SCAI: variants seen among roughly 807,000 people sequenced by gnomAD.
SCAI encodes the protein suppressor of cancer cell invasion.
SCAI carries 24 observed loss-of-function variants against 92.2 expected under a neutral mutation model. The ratio of observed to expected loss-of-function variants is 0.26; its 90% CI spans 0.19 to 0.37. The LOEUF is 0.37. Among genes scored for constraint, SCAI ranks in the 10% least tolerant of loss-of-function variants. SCAI has a pLI of 1.00. For missense variants in SCAI, 450 were observed against 736.2 expected, an observed-to-expected ratio of 0.61 and a Z score of 4.50; for synonymous variants, 261 against 258.6, an observed-to-expected ratio of 1.01 and a Z score of -0.09.
At chr9:125,126,589 T>TGTGTGA (rs10680873) in intron 2 of SCAI, among the ~76,000 whole-genome samples, 7,525 of 143,050 alleles carry the variant, frequency 0.053, 264 homozygotes, top group African/African-American at 0.085. Context: ...TGTGTGTGTG[T>TGTGTGA]GAGAGAGAGA....
intron 3 of SCAI, among the ~76,000 whole-genome samples, chr9:125,038,672 A>G (rs1833251542): frequency 6.6e-6 from 1 of 152,160 alleles, no homozygotes; most frequent in Non-Finnish European, 1.5e-5. Flanking sequence ...TCTTGACTTC[A>G]TATTTATCAT....
chr9:124,988,364 A>G (rs1328756187), intron 14 of SCAI, among the ~76,000 whole-genome samples: 1 of 152,132 alleles, frequency 6.6e-6, no homozygotes, highest in Non-Finnish European at 1.5e-5. Flanking sequence ...GTCTCTAATG[A>G]GAAAGACAGA....
intron 17 of SCAI, among the ~76,000 whole-genome samples, chr9:124,958,385 G>A (rs1313097706): frequency 6.6e-6 from 1 of 152,184 alleles, no homozygotes; most frequent in Non-Finnish European, 1.5e-5. Context: ...CAATGGAAGA[G>A]AATTTAGAGT....
chr9:125,092,131 T>TAAAAAAA lies in SCAI; in HGVS notation c.99-36131_99-36125dup, dbSNP rs71374225. ...GGCGACAGAGCAAGACTCCGTCTCT[T>TAAAAAAA]AAAAAAAAAAAAAAAAAAAAAAAAA... On this transcript the variant is annotated intron_variant, in intron 2 of 17. Transcript: ENST00000336505. 9.7e-4 allele frequency among the ~76,000 whole-genome samples: 59 copies of TAAAAAAA among 61,136 alleles called. 3 individuals carry two copies. The highest frequency in any genetic ancestry group is 3.0e-3 in the African/African-American group (50 of 16,442). 40.1% of individuals were successfully genotyped at this position (61,136 alleles called of 152,430 possible).
intron 9 of SCAI, among the ~76,000 whole-genome samples, chr9:125,010,351 C>T (rs1832609096): frequency 6.6e-6 from 1 of 152,238 alleles, no homozygotes. Context: ...TTCCGACGGG[C>T]TTAAAAAACG....
At chr9:124,968,424 C>T (rs1831583192) in intron 17 of SCAI, 2 of 1,129,036 alleles carry the variant, frequency 1.8e-6, no homozygotes, top group African/African-American at 1.5e-5. Flanking sequence ...TTTCTCAGTC[C>T]AGTCATAACG....
chr9:125,095,586 T>C (rs1834530787), intron 2 of SCAI, among the ~76,000 whole-genome samples: 1 of 152,236 alleles, frequency 6.6e-6, no homozygotes, highest in Non-Finnish European at 1.5e-5. Flanking sequence ...TAAACACTAG[T>C]CTTCCTTGCA....
At position 124,979,551 on chromosome 9, in the gene SCAI, A is replaced by G. The variant is rs527367443; in HGVS notation, c.1327-3365T>C. Among the ~76,000 whole-genome samples, 5 of 152,238 alleles carry G rather than the reference A, an allele frequency of 3.3e-5. 1 individual carries two copies. The highest frequency in any genetic ancestry group is 1.2e-4 in the African/African-American group (5 of 41,560). ...GAAGACTCCATCTCAAAAAATAAAA[A>G]TAAAAAAAAGACTATTTGTTTTAGT... is the stretch of plus-strand genomic sequence containing the variant. On this transcript the variant is annotated intron_variant, in intron 14 of 17. Coordinates refer to ENST00000336505, the MANE Select transcript of SCAI (RefSeq NM_001144877.3).
intron 2 of SCAI, among the ~76,000 whole-genome samples, chr9:125,120,777 G>C (rs1835141898): frequency 6.6e-6 from 1 of 152,172 alleles, no homozygotes; most frequent in African/African-American, 2.4e-5. Context: ...AGGAGGCTAA[G>C]GCAGGAGGAT....
intron 6 of SCAI, among the ~76,000 whole-genome samples, chr9:125,026,433 C>CT (rs900368790): frequency 6.6e-6 from 1 of 151,854 alleles, no homozygotes; most frequent in Non-Finnish European, 1.5e-5. Flanking sequence ...AGACTATTCC[C>CT]TGGTCCTACA....
intron 2 of SCAI, among the ~76,000 whole-genome samples, chr9:125,116,687 T>C (rs1295503490): frequency 6.6e-6 from 1 of 151,962 alleles, no homozygotes; most frequent in Non-Finnish European, 1.5e-5. Flanking sequence ...TCAGTAACCT[T>C]AAGAATGTCA....
At chr9:125,004,777 ATATTTTTTTTTTTTTTTTTTT>A (rs1832466345) in intron 9 of SCAI, among the ~76,000 whole-genome samples, 1 of 10,780 alleles carries the variant, frequency 9.3e-5, no homozygotes, top group African/African-American at 3.4e-4. Flanking sequence ...ATATATATAT[ATATTTTTTTTTTTTTTTTTTT>A]TTTTTTTGAG....
At chr9:125,117,172 C>T (rs982652649) in intron 2 of SCAI, among the ~76,000 whole-genome samples, 2 of 152,234 alleles carry the variant, frequency 1.3e-5, no homozygotes, top group African/African-American at 4.8e-5. Context: ...GAAGTAACAT[C>T]ACTTACATTT....
At chr9:125,117,062 A>G (rs1169990413) in intron 2 of SCAI, among the ~76,000 whole-genome samples, 1 of 152,190 alleles carries the variant, frequency 6.6e-6, no homozygotes, top group Non-Finnish European at 1.5e-5. Context: ...TAAATAATAC[A>G]TTCCTACACA....
In SCAI at chr9:124,949,650, TG is replaced by T. The variant is rs1027759087; in HGVS notation, c.*3156del. 1 of 152,132 alleles carries T rather than the reference TG, an allele frequency of 6.6e-6. No individual in the cohort carries two copies. The highest frequency in any genetic ancestry group is 1.5e-5 in the Non-Finnish European group (1 of 68,018). The allele number at this position is 152,132 out of a possible 1,614,324, so 9.4% of individuals were successfully genotyped here. On this transcript the variant is annotated 3_prime_UTR_variant, in exon 18 of 18. Coordinates refer to ENST00000336505, the MANE Select transcript of SCAI (RefSeq NM_001144877.3). This position sits in a 1 kb window ranked among gnomAD's most constrained non-coding sequence, Gnocchi z 4.0. The stretch of plus-strand genomic sequence containing the variant: ...CCTGCTTGATCACTCTTTTAAACAT[TG>T]TTCTTCTCTTAAGAAAACAAACAAA...
intron 2 of SCAI, among the ~76,000 whole-genome samples, chr9:125,123,653 G>T (rs7028650): frequency 0.47 from 70,637 of 151,750 alleles, 16,913 homozygotes; most frequent in East Asian, 0.61. Flanking sequence ...CGGGCACCTG[G>T]AATCTCAGCT....
chr9:125,072,039 T>TC (rs949726111), intron 2 of SCAI, among the ~76,000 whole-genome samples: 38 of 151,836 alleles, frequency 2.5e-4, no homozygotes, highest in African/African-American at 9.2e-4. Flanking sequence ...TTTTTTTTTT[T>TC]TTTCTGAGAC....
intron 2 of SCAI, among the ~76,000 whole-genome samples, chr9:125,098,805 T>C (rs1346068013): frequency 6.6e-6 from 1 of 152,178 alleles, no homozygotes; most frequent in Non-Finnish European, 1.5e-5. Flanking sequence ...CCAAAAGCAA[T>C]TACTCAGGCT....
intron 9 of SCAI, among the ~76,000 whole-genome samples, chr9:125,011,563 T>C (rs1397268404): frequency 6.6e-6 from 1 of 152,218 alleles, no homozygotes; most frequent in African/African-American, 2.4e-5. Context: ...CTGATTGGTG[T>C]ACCTGAAAGT....
Sources: gnomAD v4.1 joint callset for allele counts (sites outside exome capture counted in the v4.1 genomes callset) on GRCh38, gnomAD v4.1.1 for gene constraint, Gnocchi (gnomAD v3.1) non-coding constraint, MANE v1.5 for transcripts, NCBI Gene and HGNC (gene_info 2026-07-23, HGNC 2026-07-21) for gene names.